The following CYTH3 variants were observed in gnomAD, a reference collection of about 807,000 sequenced individuals.
CYTH3 encodes cytohesin-3.
CYTH3 carries 23 observed loss-of-function variants against 55.1 expected under a neutral mutation model. The observed-to-expected ratio is 0.42, with a 90% confidence interval of 0.30 to 0.59. CYTH3 has a LOEUF of 0.59. Among genes scored for constraint, CYTH3 ranks in the 20% least tolerant of loss-of-function variants. The pLI, the probability that CYTH3 is intolerant of heterozygous loss-of-function variation, is 0.20. For synonymous variants in CYTH3, 249 were observed against 194.9 expected (o/e 1.28, Z -2.31); for missense variants, 413 against 524.8 (o/e 0.79, Z 2.08).
intron 4 of CYTH3, among the ~76,000 whole-genome samples, chr7:6,184,114 G>A (rs1475532849): frequency 8.0e-6 from 1 of 125,478 alleles, no homozygotes; most frequent in African/African-American, 3.1e-5. Flanking sequence ...AGGCTGGAGT[G>A]CAGGGGCGGA....
chr7:6,202,335 G>A (rs1257917027), intron 1 of CYTH3, among the ~76,000 whole-genome samples: 1 of 152,216 alleles, frequency 6.6e-6, no homozygotes, highest in Non-Finnish European at 1.5e-5. Context: ...CATCTGGGAC[G>A]GGCTCAGCCC....
At chr7:6,215,699 A>T (rs943576988) in intron 1 of CYTH3, among the ~76,000 whole-genome samples, 7 of 152,210 alleles carry the variant, frequency 4.6e-5, no homozygotes, top group African/African-American at 1.4e-4. Flanking sequence ...AAGCCTATGA[A>T]TTCAAGAGGC....
At chr7:6,211,115 G>A (rs1413871496) in intron 1 of CYTH3, among the ~76,000 whole-genome samples, 2 of 152,122 alleles carry the variant, frequency 1.3e-5, no homozygotes, top group Non-Finnish European at 2.9e-5. Flanking sequence ...AGCCTATAGT[G>A]CCCTCCCTGA....
chr7:6,269,152 G>A (rs1355064618), intron 1 of CYTH3, among the ~76,000 whole-genome samples: 1 of 152,162 alleles, frequency 6.6e-6, no homozygotes, highest in Non-Finnish European at 1.5e-5. Flanking sequence ...CCTGGGAAAT[G>A]TTGCCTGCAG....
chr7:6,173,839 C>T (rs779747251), intron 5 of CYTH3, 106 bp from the exon 6 acceptor site: 1 of 722,628 alleles, frequency 1.4e-6, no homozygotes, highest in Non-Finnish European at 2.5e-6. Context: ...GCACAAGTTT[C>T]TGCATGGCCA....
At position 6,170,694 on chromosome 7, in the gene CYTH3, G is replaced by A; in HGVS notation, c.712-48C>T. The stretch of plus-strand genomic sequence containing the variant: ...CCAGTTCAGAGACTCGGAGGAAAAT[G>A]GCTGGCCGGGCAGAAAGCTCAGCGG... On this transcript the variant is annotated intron_variant, in intron 8 of 12. Coordinates refer to ENST00000350796, the MANE Select transcript of CYTH3 (RefSeq NM_004227.4). This position sits in a 1 kb window ranked among gnomAD's most constrained non-coding sequence, Gnocchi z 7.8. 4.4e-6 allele frequency: 7 copies of A among 1,589,670 alleles called. No homozygotes were observed. The highest frequency in any genetic ancestry group is 6.0e-6 in the Non-Finnish European group (7 of 1,166,324).
At chr7:6,165,077 C>T in intron 12 of CYTH3, 61 bp from the exon 13 acceptor site, 1 of 1,605,578 alleles carries the variant, frequency 6.2e-7, no homozygotes, top group Non-Finnish European at 8.5e-7. Flanking sequence ...CTCCCCTTTC[C>T]CACCAGCCCC....
intron 1 of CYTH3, among the ~76,000 whole-genome samples, chr7:6,220,813 C>G (rs914351323): frequency 6.6e-6 from 1 of 151,980 alleles, no homozygotes; most frequent in Non-Finnish European, 1.5e-5. Flanking sequence ...CTGGGCAACA[C>G]GGTGAAACCC....
At chr7:6,174,232 A>AG (rs2128538760) in intron 5 of CYTH3, among the ~76,000 whole-genome samples, 1 of 151,978 alleles carries the variant, frequency 6.6e-6, no homozygotes, top group African/African-American at 2.4e-5. Context: ...CTCCTGCCTC[A>AG]GCCTCCTAAG....
rs567001962 is a variant in CYTH3, at chr7:6,262,949, A to T, written c.34+9525T>A. On this transcript the variant is annotated intron_variant, in intron 1 of 12. Transcript: ENST00000350796. ...TTGTGTTTAAGTGGAGGCAAAGTAA[A>T]GGCATTTTTGACCAAAAAAAAAAAT... Among the ~76,000 whole-genome samples, 8 of 152,184 alleles carry T rather than the reference A, an allele frequency of 5.3e-5. No individual in the cohort carries two copies. The East Asian group carries it at 1.4e-3, about 26-fold the overall frequency.
chr7:6,240,693 A>T (rs543709945), intron 1 of CYTH3, among the ~76,000 whole-genome samples: 3 of 152,244 alleles, frequency 2.0e-5, no homozygotes, highest in Non-Finnish European at 4.4e-5. Flanking sequence ...ACTCCAAACA[A>T]TTCAAAGATT....
rs753040515 is a variant in CYTH3 at position 6,171,356 on chromosome 7, A to G, written c.450-42T>C. 1.7e-5 allele frequency: 27 copies of G among 1,590,466 alleles called. No homozygotes were observed. The highest frequency in any genetic ancestry group is 2.2e-5 in the Non-Finnish European group (26 of 1,159,570). On this transcript the variant is annotated intron_variant, in intron 6 of 12. Coordinates refer to ENST00000350796, the MANE Select transcript of CYTH3 (RefSeq NM_004227.4). The surrounding 1 kb of genome is among the most constrained non-coding windows in gnomAD (Gnocchi z 6.7). ...GCCATGGGAAGCCGCATCAGAACCA[A>G]CACCGCCTCACGGCCAAGGGCGGCT...
intron 1 of CYTH3, among the ~76,000 whole-genome samples, chr7:6,193,817 G>C (rs765619339): frequency 1.3e-5 from 2 of 152,118 alleles, no homozygotes; most frequent in Non-Finnish European, 2.9e-5. Flanking sequence ...TGAGGGCAAG[G>C]GCACCCTACT....
chr7:6,256,358 G>A (rs1780104701), intron 1 of CYTH3, among the ~76,000 whole-genome samples: 1 of 152,166 alleles, frequency 6.6e-6, no homozygotes, highest in African/African-American at 2.4e-5. Context: ...ACCTCAAGGG[G>A]GCTGAAAGGA....
At chr7:6,260,498 C>T (rs973749940) in intron 1 of CYTH3, among the ~76,000 whole-genome samples, 1 of 152,114 alleles carries the variant, frequency 6.6e-6, no homozygotes, top group Non-Finnish European at 1.5e-5. Context: ...GCCCATGGCA[C>T]GTGCCTTTCC....
chr7:6,179,620 ACACCCCCCACATACACCTCACACACCC>A (rs1315943330), intron 4 of CYTH3, among the ~76,000 whole-genome samples: 3 of 108,250 alleles, frequency 2.8e-5, no homozygotes, highest in Admixed American at 2.7e-4. Flanking sequence ...CCACACACAC[ACACCCCCCACATACACCTCACACACCC>A]CACACCCCAC....
In CYTH3 at chr7:6,162,501, G is replaced by C. The variant is rs1485719834; in HGVS notation, c.*2443C>G. 1 of 152,288 alleles carries C rather than the reference G, an allele frequency of 6.6e-6. No individual in the cohort carries two copies. The highest frequency in any genetic ancestry group is 2.4e-5 in the African/African-American group (1 of 41,476). The allele number at this position is 152,288 out of a possible 1,614,324, so 9.4% of individuals were successfully genotyped here. Reference sequence around the variant, plus strand: ...AAAAACAGATGTGTCCTGTTTCAGGGCCGTCCTGGTAGCGGCTGGCCCTGC... The same window carrying C: ...AAAAACAGATGTGTCCTGTTTCAGGCCCGTCCTGGTAGCGGCTGGCCCTGC... On this transcript the variant is annotated 3_prime_UTR_variant, in exon 13 of 13. Transcript: ENST00000350796.
At position 6,161,945 on chromosome 7, in the gene CYTH3, A is replaced by C. The variant is rs1422225333; in HGVS notation, c.*2999T>G. On this transcript the variant is annotated 3_prime_UTR_variant, in exon 13 of 13. Transcript: ENST00000350796. ...CATCATTGAATAACAGACACTCCAG[A>C]AATCAACAGATGTACATTATTTACA... 4 of 152,652 alleles carry C rather than the reference A, an allele frequency of 2.6e-5. No individual in the cohort carries two copies. Among genetic ancestry groups the C allele is most frequent in the African/African-American group, 9.6e-5 (4 of 41,458 alleles). 9.5% of individuals were successfully genotyped at this position (152,652 alleles called of 1,614,324 possible).
At chr7:6,196,987 T>C (rs1783950282) in intron 1 of CYTH3, among the ~76,000 whole-genome samples, 1 of 152,202 alleles carries the variant, frequency 6.6e-6, no homozygotes, top group African/African-American at 2.4e-5. Context: ...GTTTCCTTTT[T>C]AAGAAAGTCT....
Sources: allele counts gnomAD v4.1 joint callset (sites outside exome capture counted in the v4.1 genomes callset), GRCh38; gene constraint gnomAD v4.1.1; non-coding constraint Gnocchi (gnomAD v3.1); transcripts MANE v1.5; gene names NCBI Gene and HGNC (gene_info 2026-07-23, HGNC 2026-07-21).